The following BMPR1A variants were observed in gnomAD, a reference collection of about 807,000 sequenced individuals.
BMPR1A encodes bone morphogenetic protein receptor type 1A.
BMPR1A carries 7 observed loss-of-function variants against 66.0 expected under a neutral mutation model. The ratio of observed to expected loss-of-function variants is 0.11; its 90% CI spans 0.06 to 0.20. BMPR1A has a LOEUF of 0.20. Among genes scored for constraint, BMPR1A ranks in the 10% least tolerant of loss-of-function variants. The probability of loss-of-function intolerance (pLI) is 1.00; values close to 1 mark genes in which losing one functional copy is unlikely to be tolerated. For synonymous variants in BMPR1A, 200 were observed against 229.7 expected (o/e 0.87, Z 1.17); for missense variants, 408 against 669.1 (o/e 0.61, Z 4.31).
chr10:86,911,632 C>A (rs1843487183), intron 7 of BMPR1A, among the ~76,000 whole-genome samples: 1 of 152,048 alleles, frequency 6.6e-6, no homozygotes, highest in East Asian at 1.9e-4. Flanking sequence ...TACCTGTAGT[C>A]CCAGCTACTC....
At position 86,900,822 on chromosome 10, in the gene BMPR1A, CAT is replaced by C. The variant is rs1265654964; in HGVS notation, c.530+699_530+700del. On this transcript the variant is annotated intron_variant, in intron 7 of 12. Transcript: ENST00000372037. ...TCTGTTAGGGAGGTGATGCGAAAGTCATATGATTATTCAGAGTAGGAGATGGG... is the reference window on the plus strand; with the variant it reads ...TCTGTTAGGGAGGTGATGCGAAAGTCATGATTATTCAGAGTAGGAGATGGG... 1.5e-4 allele frequency among the ~76,000 whole-genome samples: 23 copies of C among 152,222 alleles called. No homozygotes were observed. In the East Asian group the frequency reaches 3.1e-3, roughly 20 times the overall value.
chr10:86,902,590 C>A (rs1460751974), intron 7 of BMPR1A, among the ~76,000 whole-genome samples: 1 of 152,182 alleles, frequency 6.6e-6, no homozygotes, highest in Non-Finnish European at 1.5e-5. Context: ...ATGGTCCAGG[C>A]AGATTATCTT....
rs190790201 is a variant in BMPR1A, at chr10:86,770,316, G to A, written c.-268+13397G>A. Among the ~76,000 whole-genome samples the A allele has an allele frequency of 3.3e-4, 50 of 152,288 alleles. 1 individual carries two copies. In the East Asian group the frequency reaches 9.3e-3, roughly 28 times the overall value. On this transcript the variant is annotated intron_variant, in intron 1 of 12. Transcript: ENST00000372037. Reference sequence around the variant, plus strand: ...ATTCCCAGCTTCTTGGGCAACTGAGGCAGGAGGACTGCCTGAGCCCAGAAG... The same window carrying A: ...ATTCCCAGCTTCTTGGGCAACTGAGACAGGAGGACTGCCTGAGCCCAGAAG...
At chr10:86,791,795 C>T (rs1375571252) in intron 1 of BMPR1A, among the ~76,000 whole-genome samples, 2 of 139,256 alleles carry the variant, frequency 1.4e-5, no homozygotes, top group African/African-American at 2.6e-5. Flanking sequence ...TATTTTGGCT[C>T]ACTGCAACCT....
chr10:86,843,087 A>G (rs1238341030), intron 2 of BMPR1A, among the ~76,000 whole-genome samples: 1 of 152,224 alleles, frequency 6.6e-6, no homozygotes, highest in Non-Finnish European at 1.5e-5. Context: ...CAAGCAAGAA[A>G]TAATGAAGCT....
intron 7 of BMPR1A, among the ~76,000 whole-genome samples, chr10:86,901,933 A>T (rs2133469758): frequency 6.6e-6 from 1 of 152,230 alleles, no homozygotes; most frequent in Non-Finnish European, 1.5e-5. Context: ...ATCTCGGCTC[A>T]CTGCAATCTC....
rs1564685456 is a variant in BMPR1A, at chr10:86,790,184, AAAAAATATATATATAT to A, written c.-268+33267_-268+33282del. On this transcript the variant is annotated intron_variant, in intron 1 of 12. Coordinates refer to ENST00000372037, the MANE Select transcript of BMPR1A (RefSeq NM_004329.3). Reference sequence around the variant, plus strand: ...CTCCAAAAAAAAAAAAAAAAAAAAAAAAAAATATATATATATATATATATATATATATATATATATA... The same window carrying A: ...CTCCAAAAAAAAAAAAAAAAAAAAAAATATATATATATATATATATATATA... Among the ~76,000 whole-genome samples, 9 of 38,018 alleles carry A rather than the reference AAAAAATATATATATAT, an allele frequency of 2.4e-4. 1 individual carries two copies. The South Asian group carries it at 5.2e-3, about 22-fold the overall frequency. 24.9% of individuals were successfully genotyped at this position (38,018 alleles called of 152,430 possible). A position where few individuals can be genotyped will look rare whatever the true frequency, so the allele number is the denominator to read the frequency against.
intron 3 of BMPR1A, among the ~76,000 whole-genome samples, chr10:86,887,102 G>C (rs1843076942): frequency 6.6e-6 from 1 of 151,964 alleles, no homozygotes; most frequent in East Asian, 1.9e-4. Flanking sequence ...CAAAGTGCTG[G>C]GATTACAGGC....
chr10:86,868,266 T>C (rs1320635023), intron 2 of BMPR1A, among the ~76,000 whole-genome samples: 2 of 152,214 alleles, frequency 1.3e-5, no homozygotes, highest in African/African-American at 4.8e-5. Context: ...CTCAGACAAC[T>C]CTTTAAGCAA....
intron 2 of BMPR1A, among the ~76,000 whole-genome samples, chr10:86,866,313 TTAACATGCAG>T (rs66604568): frequency 0.14 from 21,073 of 150,028 alleles, 1,908 homozygotes; most frequent in Admixed American, 0.23. Flanking sequence ...TGCCAGCGCC[TTAACATGCAG>T]TAACAAGTGG....
chr10:86,865,495 TC>T lies in BMPR1A; in HGVS notation c.-152-10371del, dbSNP rs200089175. 1.1e-3 allele frequency among the ~76,000 whole-genome samples: 167 copies of T among 152,284 alleles called. 4 individuals carry two copies. The East Asian group carries it at 0.032, about 29-fold the overall frequency. ...AAAACGGCCCCACCCTCATCTCCCT[TC>T]GCTGACTCTCTTTTAGGACTCAGCC... is the stretch of plus-strand genomic sequence containing the variant. On this transcript the variant is annotated intron_variant, in intron 2 of 12. Coordinates refer to ENST00000372037, the MANE Select transcript of BMPR1A (RefSeq NM_004329.3).
intron 2 of BMPR1A, among the ~76,000 whole-genome samples, chr10:86,847,630 G>A (rs1434695416): frequency 6.6e-6 from 1 of 151,942 alleles, no homozygotes; most frequent in South Asian, 2.1e-4. Context: ...TGGGAGGATT[G>A]CTTGAGGCCA....
chr10:86,842,401 G>C (rs1007513926), intron 2 of BMPR1A, among the ~76,000 whole-genome samples: 1 of 152,164 alleles, frequency 6.6e-6, no homozygotes, highest in African/African-American at 2.4e-5. Context: ...CCAGAGCGGG[G>C]TGGAGGCAGA....
intron 5 of BMPR1A, among the ~76,000 whole-genome samples, chr10:86,897,910 T>C (rs1843249128): frequency 6.6e-6 from 1 of 152,164 alleles, no homozygotes; most frequent in South Asian, 2.1e-4. Context: ...CCAGTTCATC[T>C]TTTTTTAACC....
At chr10:86,897,499 A>G (rs1307407924) in intron 5 of BMPR1A, among the ~76,000 whole-genome samples, 1 of 152,192 alleles carries the variant, frequency 6.6e-6, no homozygotes, top group Non-Finnish European at 1.5e-5. Flanking sequence ...CTCATCTGGG[A>G]TTCATGTCAA....
At chr10:86,835,549 CAAAAAAAAAAAAAAAAAAAAAAAA>C (rs55804247) in intron 1 of BMPR1A, among the ~76,000 whole-genome samples, 19 of 44,340 alleles carry the variant, frequency 4.3e-4, no homozygotes, top group Admixed American at 1.3e-3. Flanking sequence ...GACTCTGTAT[CAAAAAAAAAAAAAAAAAAAAAAAA>C]AAAAAAAAAA....
chr10:86,892,964 T>C lies in BMPR1A; in HGVS notation c.333+735T>C, dbSNP rs1310882526. Among the ~76,000 whole-genome samples the C allele has an allele frequency of 2.6e-5, 4 of 152,052 alleles. 1 individual carries two copies. Among genetic ancestry groups the C allele is most frequent in the South Asian group, 4.1e-4 (2 of 4,830 alleles). ...GAGAAAAAGTTTCTAAACTTTCTTA[T>C]CACAATAATTGCAGCTAACGTTTCT... On this transcript the variant is annotated intron_variant, in intron 5 of 12. Coordinates refer to ENST00000372037, the MANE Select transcript of BMPR1A (RefSeq NM_004329.3).
intron 1 of BMPR1A, among the ~76,000 whole-genome samples, chr10:86,796,662 C>T (rs1272465410): frequency 1.3e-5 from 2 of 151,464 alleles, no homozygotes; most frequent in Admixed American, 6.6e-5. Context: ...CTGCAACTTC[C>T]CCCTCCTAGG....
intron 8 of BMPR1A, among the ~76,000 whole-genome samples, chr10:86,913,865 C>T (rs1473847955): frequency 2.6e-5 from 4 of 151,896 alleles, no homozygotes; most frequent in Admixed American, 2.6e-4. Flanking sequence ...CATTCGAATC[C>T]AAATGAAAAT....
Sources: gnomAD v4.1 joint callset for allele counts (sites outside exome capture counted in the v4.1 genomes callset) on GRCh38, gnomAD v4.1.1 for gene constraint, MANE v1.5 for transcripts, NCBI Gene and HGNC (gene_info 2026-07-23, HGNC 2026-07-21) for gene names.